The following DLG2 variants were observed in gnomAD, a reference collection of about 807,000 sequenced individuals.
DLG2 encodes discs large MAGUK scaffold protein 2, also known as disks large homolog 2.
Under a neutral mutation model 132.5 loss-of-function variants are expected in DLG2, and 45 were observed. The ratio of observed to expected loss-of-function variants is 0.34; its 90% CI spans 0.27 to 0.44. DLG2 has a LOEUF of 0.44. Among genes scored for constraint, DLG2 ranks in the 20% least tolerant of loss-of-function variants. The probability of loss-of-function intolerance (pLI) is 1.00; values close to 1 mark genes in which losing one functional copy is unlikely to be tolerated. For missense variants in DLG2, 1,045 were observed against 1,196.9 expected (o/e 0.87, Z 1.87); for synonymous variants, 424 against 419.6 (o/e 1.01, Z -0.13).
chr11:84,439,447 G>C (rs1472110729), intron 7 of DLG2, among the ~76,000 whole-genome samples: 2 of 151,886 alleles, frequency 1.3e-5, no homozygotes, highest in Non-Finnish European at 2.9e-5. Flanking sequence ...TACCTCCTTT[G>C]ACATGCCTTG....
intron 11 of DLG2, among the ~76,000 whole-genome samples, chr11:84,010,055 A>G (rs1293892320): frequency 6.6e-6 from 1 of 152,050 alleles, no homozygotes; most frequent in Non-Finnish European, 1.5e-5. Context: ...CTACAAATAC[A>G]TACTAATCTT....
At chr11:85,273,505 T>A (rs1305209780) in intron 4 of DLG2, among the ~76,000 whole-genome samples, 1 of 152,088 alleles carries the variant, frequency 6.6e-6, no homozygotes, top group Non-Finnish European at 1.5e-5. Flanking sequence ...CATGAAAAAA[T>A]GCTCATCATC....
chr11:85,316,954 T>TA (rs11463719), intron 3 of DLG2, among the ~76,000 whole-genome samples: 124,670 of 151,730 alleles, frequency 0.82, 51,673 homozygotes, highest in Middle Eastern at 0.89. Flanking sequence ...AAAAGCAATG[T>TA]AAAAAAGATA....
intron 16 of DLG2, among the ~76,000 whole-genome samples, chr11:83,849,843 T>C (rs78268719): frequency 0.014 from 2,063 of 151,796 alleles, 16 homozygotes; most frequent in Non-Finnish European, 0.023. Flanking sequence ...ACATCTAAAA[T>C]GTGCTTACTG....
At chr11:84,950,761 C>T (rs1276779630) in intron 6 of DLG2, among the ~76,000 whole-genome samples, 1 of 151,950 alleles carries the variant, frequency 6.6e-6, no homozygotes, top group African/African-American at 2.4e-5. Context: ...CTCCCACAAG[C>T]CTACATGCCT....
chr11:84,362,466 C>G (rs1437659525), intron 7 of DLG2, among the ~76,000 whole-genome samples: 1 of 151,706 alleles, frequency 6.6e-6, no homozygotes, highest in Non-Finnish European at 1.5e-5. Context: ...ATCTACCTCA[C>G]CTGAAAACCA....
chr11:84,794,583 C>A (rs1598298491), intron 6 of DLG2, among the ~76,000 whole-genome samples: 1 of 152,194 alleles, frequency 6.6e-6, no homozygotes, highest in African/African-American at 2.4e-5. Context: ...CTGCAGCCAC[C>A]CAGGGGTGGT....
Position 85,154,606 on chromosome 11 carries a change from G to C in DLG2, c.232C>G (p.Gln78Glu). The change falls in exon 5 of 28, where the codon CAA becomes GAA. Residue 78 changes from glutamine to glutamate, a missense_variant. Gln to Glu is a conservative substitution (Grantham distance 29). Coordinates refer to ENST00000376104, the MANE Select transcript of DLG2 (RefSeq NM_001142699.3). ...TCAAAACTCTGATTTTCTTTATTTT[G>C]CTCAATACATGAAGCATTTTCCTTT... ...GSKENASCIE[Q>E]NKENQSFENE... 1 of 1,539,652 alleles carries C rather than the reference G, an allele frequency of 6.5e-7. No individual in the cohort carries two copies. Among genetic ancestry groups the C allele is most frequent in the Non-Finnish European group, 8.8e-7 (1 of 1,137,132 alleles).
chr11:85,244,091 T>G (rs2076022063), intron 4 of DLG2, among the ~76,000 whole-genome samples: 1 of 152,044 alleles, frequency 6.6e-6, no homozygotes, highest in African/African-American at 2.4e-5. Context: ...TTTTCTCAAG[T>G]GTCATCCAGC....
chr11:85,147,019 G>T (rs1028842474), intron 5 of DLG2, among the ~76,000 whole-genome samples: 1 of 152,162 alleles, frequency 6.6e-6, no homozygotes, highest in African/African-American at 2.4e-5. Context: ...GAGTTCCAAT[G>T]CAATGTCTCA....
intron 19 of DLG2, among the ~76,000 whole-genome samples, chr11:83,583,189 T>A (rs2097013955): frequency 1.3e-5 from 2 of 152,202 alleles, no homozygotes; most frequent in Admixed American, 1.3e-4. Context: ...AGCCTTTATT[T>A]GGCAAAAGAC....
At chr11:84,962,712 T>TA (rs1004076965) in intron 6 of DLG2, among the ~76,000 whole-genome samples, 2 of 152,188 alleles carry the variant, frequency 1.3e-5, no homozygotes, top group Non-Finnish European at 2.9e-5. Flanking sequence ...AAAAATATCT[T>TA]AGAGTCATCT....
intron 18 of DLG2, among the ~76,000 whole-genome samples, chr11:83,634,904 T>A (rs1415471143): frequency 6.6e-6 from 1 of 152,206 alleles, no homozygotes; most frequent in African/African-American, 2.4e-5. Flanking sequence ...TCTGGTATTA[T>A]CCAGATTTGG....
chr11:83,956,786 T>C (rs550135988), intron 14 of DLG2, among the ~76,000 whole-genome samples: 1 of 152,358 alleles, frequency 6.6e-6, no homozygotes, highest in Non-Finnish European at 1.5e-5. Flanking sequence ...GATGAGGTGT[T>C]GTCTGATCCT....
chr11:85,384,314 G>A (rs2086144403), intron 3 of DLG2, among the ~76,000 whole-genome samples: 1 of 152,048 alleles, frequency 6.6e-6, no homozygotes, highest in African/African-American at 2.4e-5. Context: ...CATCTTTGGT[G>A]GCAACTTTGT....
At chr11:85,397,304 G>T (rs1168202563) in intron 3 of DLG2, among the ~76,000 whole-genome samples, 1 of 152,100 alleles carries the variant, frequency 6.6e-6, no homozygotes, top group Non-Finnish European at 1.5e-5. Context: ...GGAACAACAA[G>T]TACCAGCCAC....
intron 7 of DLG2, among the ~76,000 whole-genome samples, chr11:84,256,546 C>T (rs921127569): frequency 1.3e-5 from 2 of 152,028 alleles, no homozygotes; most frequent in East Asian, 1.9e-4. Context: ...TCAGCTGACC[C>T]GGGACATGCA....
chr11:84,633,827 G>A (rs763266540), intron 6 of DLG2, among the ~76,000 whole-genome samples: 65 of 152,044 alleles, frequency 4.3e-4, no homozygotes, highest in Non-Finnish European at 8.2e-4. Flanking sequence ...GCCTGCTCTC[G>A]TTGTTGGGTT....
At chr11:83,517,224 T>C (rs1408781731) in intron 21 of DLG2, among the ~76,000 whole-genome samples, 1 of 152,228 alleles carries the variant, frequency 6.6e-6, no homozygotes, top group African/African-American at 2.4e-5. Context: ...TGTGCATTTC[T>C]TTTTATTCTT....
Sources: allele counts gnomAD v4.1 joint callset (sites outside exome capture counted in the v4.1 genomes callset), GRCh38; gene constraint gnomAD v4.1.1; transcripts MANE v1.5; gene names NCBI Gene and HGNC (gene_info 2026-07-23, HGNC 2026-07-21).